The following WDR75 variants were observed in gnomAD, a reference collection of about 807,000 sequenced individuals.
WDR75 encodes WD repeat domain 75.
Under a neutral mutation model 106.1 loss-of-function variants are expected in WDR75, and 52 were observed. The ratio of observed to expected loss-of-function variants is 0.49; its 90% confidence interval spans 0.39 to 0.62. The LOEUF (loss-of-function observed/expected upper bound fraction) is 0.62. Among genes scored for constraint, WDR75 ranks in the 20% least tolerant of loss-of-function variants. The pLI is 0.00. For synonymous variants in WDR75, 333 were observed against 335.5 expected (o/e 0.99, Z 0.08); for missense variants, 905 against 970.3 (o/e 0.93, Z 0.89).
intron 12 of WDR75, among the ~76,000 whole-genome samples, chr2:189,465,843 G>A (rs1686987962): frequency 6.6e-6 from 1 of 152,122 alleles, no homozygotes; most frequent in African/African-American, 2.4e-5. Flanking sequence ...GTTATAACTT[G>A]TGCTTTTTTA....
At position 189,466,627 on chromosome 2, in the gene WDR75, GAATT is replaced by G. The variant is rs536661796; in HGVS notation, c.1447+50_1447+53del. ...ATGTTTAAAGTGTGCACAATTTTAG[GAATT>G]AATTTCTTTTTCTCATGACTTGTAT... On this transcript the variant is annotated intron_variant, in intron 13 of 20. Coordinates refer to ENST00000314761, the MANE Select transcript of WDR75 (RefSeq NM_032168.3). 2.3e-4 allele frequency: 360 copies of G among 1,552,644 alleles called. No homozygotes were observed. The African/African-American group carries it at 3.9e-3, about 17-fold the overall frequency.
chr2:189,469,724 T>A (rs926896370), intron 16 of WDR75, among the ~76,000 whole-genome samples: 1 of 152,178 alleles, frequency 6.6e-6, no homozygotes, highest in South Asian at 2.1e-4. Context: ...CCTGAGAAGC[T>A]TTAATTGGTC....
At chr2:189,450,519 G>A in intron 2 of WDR75, 1 of 933,298 alleles carries the variant, frequency 1.1e-6, no homozygotes, top group Non-Finnish European at 1.3e-6. Context: ...GTTTCGTCAT[G>A]TTGGCCAGGC....
At position 189,475,194 on chromosome 2, in the gene WDR75, T is replaced by G; in HGVS notation, c.2289-19T>G. On this transcript the variant is annotated intron_variant, in intron 20 of 20. Coordinates refer to ENST00000314761, the MANE Select transcript of WDR75 (RefSeq NM_032168.3). ...GAAACATTTAATAGTGTTTATATTT[T>G]ATTCTGTTATTGTTAAAGTGCTAAG... 3 of 1,550,832 alleles carry G rather than the reference T, an allele frequency of 1.9e-6. No homozygotes were observed. The highest frequency in any genetic ancestry group is 2.6e-6 in the Non-Finnish European group (3 of 1,135,834).
intron 12 of WDR75, among the ~76,000 whole-genome samples, chr2:189,465,937 C>T (rs531724257): frequency 2.0e-5 from 3 of 152,168 alleles, no homozygotes; most frequent in South Asian, 2.1e-4. Flanking sequence ...CCTCTAAGCT[C>T]GAAATAAGCT....
At position 189,463,676 on chromosome 2, in the gene WDR75, A is replaced by T; in HGVS notation, c.938-18A>T. 6.2e-7 allele frequency: 1 copy of T among 1,613,106 alleles called. No homozygotes were observed. On this transcript the variant is annotated intron_variant, in intron 9 of 20. Coordinates refer to ENST00000314761, the MANE Select transcript of WDR75 (RefSeq NM_032168.3). ...CTAACCTATTGATATTTAAATACCT[A>T]TTTTTTTCTACCCACAGAGATAATA...
chr2:189,447,404 T>G (rs1317910392), intron 1 of WDR75, among the ~76,000 whole-genome samples: 2 of 152,218 alleles, frequency 1.3e-5, no homozygotes, highest in African/African-American at 4.8e-5. Flanking sequence ...GAATAAAGTC[T>G]TTGTATTTTT....
intron 17 of WDR75, 146 bp downstream of exon 17, chr2:189,470,391 A>G: frequency 2.5e-6 from 2 of 815,328 alleles, no homozygotes; most frequent in East Asian, 2.7e-5. Context: ...TGCTCAGTAC[A>G]GCAGCATTAT....
At chr2:189,462,665 G>A (rs1319317162) in intron 9 of WDR75, 23 bp downstream of exon 9, 7 of 1,607,634 alleles carry the variant, frequency 4.4e-6, no homozygotes, top group Non-Finnish European at 6.0e-6. Flanking sequence ...TTTTTATTAT[G>A]AGGAAATATA....
At chr2:189,459,262 A>T (rs1379477163) in intron 7 of WDR75, 74 bp from the exon 8 acceptor site, 2 of 1,069,422 alleles carry the variant, frequency 1.9e-6, no homozygotes, top group Non-Finnish European at 2.8e-6. Context: ...TATTATGTTT[A>T]TTGTATTTGG....
chr2:189,468,846 T>C (rs992979171), intron 15 of WDR75, among the ~76,000 whole-genome samples: 1 of 152,198 alleles, frequency 6.6e-6, no homozygotes, highest in Non-Finnish European at 1.5e-5. Context: ...ATATTCCCCA[T>C]CCTCGTAACA....
At chr2:189,468,784 A>G (rs575277305) in intron 15 of WDR75, among the ~76,000 whole-genome samples, 120 of 152,252 alleles carry the variant, frequency 7.9e-4, no homozygotes, top group African/African-American at 2.7e-3. Flanking sequence ...AGCTTCCATT[A>G]TCCTTACCTT....
intron 6 of WDR75, 82 bp downstream of exon 6, chr2:189,457,463 A>G: frequency 1.1e-6 from 1 of 871,232 alleles, no homozygotes; most frequent in Non-Finnish European, 1.8e-6. Flanking sequence ...CCTATAGTCC[A>G]AAGCTATTCC....
At chr2:189,449,984 A>T in intron 2 of WDR75, 1 of 985,292 alleles carries the variant, frequency 1.0e-6, no homozygotes, top group African/African-American at 1.7e-5. Flanking sequence ...GTATTAATAA[A>T]ACTAAGTACA....
intron 1 of WDR75, among the ~76,000 whole-genome samples, chr2:189,443,910 G>A (rs528034274): frequency 1.3e-5 from 2 of 152,254 alleles, no homozygotes; most frequent in African/African-American, 2.4e-5. Flanking sequence ...CCCAAACTAA[G>A]GTAATATTGA....
chr2:189,450,544 T>G, intron 2 of WDR75: 3 of 1,024,158 alleles, frequency 2.9e-6, no homozygotes, highest in Non-Finnish European at 3.5e-6. Context: ...CTCGAACTCC[T>G]GGCCTCAAGT....
chr2:189,452,554 CA>C (rs926726769), intron 4 of WDR75, among the ~76,000 whole-genome samples: 3,581 of 87,544 alleles, frequency 0.041, 116 homozygotes, highest in African/African-American at 0.13. Flanking sequence ...ACTCTGTCTC[CA>C]AAAAAAAAAA....
At chr2:189,456,845 G>A (rs1044235751) in intron 5 of WDR75, among the ~76,000 whole-genome samples, 10 of 152,156 alleles carry the variant, frequency 6.6e-5, no homozygotes. Flanking sequence ...TGTTTCAATA[G>A]TATGATTATT....
At chr2:189,449,200 T>C (rs1350966161) in intron 2 of WDR75, 1 of 1,263,694 alleles carries the variant, frequency 7.9e-7, no homozygotes, top group Non-Finnish European at 1.0e-6. Context: ...AACAATATTT[T>C]GTTCTTGCTC....
Sources: gnomAD v4.1 joint callset for allele counts (sites outside exome capture counted in the v4.1 genomes callset) on GRCh38, gnomAD v4.1.1 for gene constraint, MANE v1.5 for transcripts, NCBI Gene and HGNC (gene_info 2026-07-23, HGNC 2026-07-21) for gene names.